The following DDX19A variants were observed in gnomAD, a reference collection of about 807,000 sequenced individuals.
The protein encoded by DDX19A is ATP-dependent RNA helicase DDX19A.
In DDX19A, 12 loss-of-function variants were observed where a neutral mutation model predicts 60.6. The ratio of observed to expected loss-of-function variants is 0.20; its 90% CI spans 0.13 to 0.32. DDX19A has a LOEUF of 0.32. Among genes scored for constraint, DDX19A ranks in the 10% least tolerant of loss-of-function variants. DDX19A has a pLI of 1.00. For synonymous variants in DDX19A, 206 were observed against 218.2 expected, an observed-to-expected ratio of 0.94 and a Z score of 0.49; for missense variants, 337 against 600.6, an observed-to-expected ratio of 0.56 and a Z score of 4.59.
chr16:70,356,893 A>T (rs953315943), intron 4 of DDX19A: 2 of 1,276,904 alleles, frequency 1.6e-6, no homozygotes, highest in South Asian at 1.3e-5. Flanking sequence ...GATGTCAGGA[A>T]CATTTCTGAT....
intron 3 of DDX19A, 86 bp from the exon 4 acceptor site, chr16:70,356,025 TG>T (rs2151633288): frequency 6.4e-7 from 1 of 1,559,560 alleles, no homozygotes; most frequent in East Asian, 2.3e-5. Context: ...ACTGCCCAGG[TG>T]CTAGTGTGGA....
In DDX19A at chr16:70,348,626, C is replaced by CAAAAA. The variant is rs1244983371; in HGVS notation, c.57+1597_57+1601dup. Among the ~76,000 whole-genome samples, 13 of 34,856 alleles carry CAAAAA rather than the reference C, an allele frequency of 3.7e-4. No homozygotes were observed. In the East Asian group the frequency reaches 4.4e-3, roughly 12 times the overall value. The allele number at this position is 34,856 out of a possible 152,430, so 22.9% of individuals were successfully genotyped here. On this transcript the variant is annotated intron_variant, in intron 1 of 11. Transcript: ENST00000302243. ...TGGGCTACTGAGTGAGACTCTGTCT[C>CAAAAA]AAAAAAAAAAAAAAAAAAAAAAAGA...
intron 1 of DDX19A, 124 bp from the exon 2 acceptor site, chr16:70,350,433 G>A (rs1214285072): frequency 1.5e-5 from 9 of 587,446 alleles, no homozygotes; most frequent in Non-Finnish European, 2.4e-5. Flanking sequence ...GGAACAAACC[G>A]ACTCCCTGAA....
chr16:70,366,607 C>A lies in DDX19A; in HGVS notation c.783-17C>A, dbSNP rs201935192. 124 of 1,613,904 alleles carry A rather than the reference C, an allele frequency of 7.7e-5. No homozygotes were observed. The highest frequency in any genetic ancestry group is 8.8e-5 in the Non-Finnish European group (104 of 1,179,936). On this transcript the variant is annotated splice_polypyrimidine_tract_variant and intron_variant, in intron 8 of 11. Coordinates refer to ENST00000302243, the MANE Select transcript of DDX19A (RefSeq NM_018332.5). ...CCAGGGCCACCTGGGGCCATCTACC[C>A]GGGCCTTCCCTTGCAGGATGCTGCC...
chr16:70,361,652 ATCGGATGGAGTTAGCTACAGTT>A (rs1964366974), intron 5 of DDX19A, 142 bp downstream of exon 5: 2 of 617,552 alleles, frequency 3.2e-6, no homozygotes, highest in South Asian at 4.1e-5. Flanking sequence ...TGCAGAGAGA[ATCGGATGGAGTTAGCTACAGTT>A]TCTGCCTTTC....
intron 1 of DDX19A, among the ~76,000 whole-genome samples, chr16:70,347,634 A>G (rs1165311957): frequency 6.6e-6 from 1 of 152,182 alleles, no homozygotes; most frequent in African/African-American, 2.4e-5. Flanking sequence ...CTGTTCTTAT[A>G]TCTAAGACCT....
intron 2 of DDX19A, among the ~76,000 whole-genome samples, chr16:70,352,853 G>A (rs1331095723): frequency 6.7e-6 from 1 of 150,254 alleles, no homozygotes; most frequent in African/African-American, 2.5e-5. Flanking sequence ...GGTCAGGCTG[G>A]TCTCGAACTC....
chr16:70,365,906 A>G, intron 7 of DDX19A, 179 bp from the exon 8 acceptor site: 1 of 825,926 alleles, frequency 1.2e-6, no homozygotes. Flanking sequence ...GTGCACTGAG[A>G]TAGGTGTCAT....
intron 5 of DDX19A, 95 bp from the exon 6 acceptor site, chr16:70,364,448 G>A (rs187884976): frequency 7.3e-5 from 69 of 951,074 alleles, no homozygotes; most frequent in African/African-American, 7.1e-4. Flanking sequence ...AGAGAAGCAC[G>A]AAGGGGGAAA....
At chr16:70,362,653 C>G (rs1282678653) in intron 5 of DDX19A, among the ~76,000 whole-genome samples, 1 of 152,072 alleles carries the variant, frequency 6.6e-6, no homozygotes, top group Non-Finnish European at 1.5e-5. Flanking sequence ...TTACAGCCCA[C>G]TGCAGCCTCG....
intron 4 of DDX19A, among the ~76,000 whole-genome samples, chr16:70,360,305 T>TTTTCTTTCTTTCTTTCTTTC (rs35076329): frequency 1.5e-5 from 2 of 129,110 alleles, no homozygotes; most frequent in African/African-American, 6.4e-5. Flanking sequence ...TTTTTTTCTT[T>TTTTCTTTCTTTCTTTCTTTC]TTTCTTTCTT....
Position 70,372,181 on chromosome 16 carries a change from G to A in DDX19A, c.*195G>A. Reference sequence around the variant, plus strand: ...TGGGGGGCAATAGAAGAAAAAATTTGCATTTTGGAAAATTGGGTCCTTTCC... The same window carrying A: ...TGGGGGGCAATAGAAGAAAAAATTTACATTTTGGAAAATTGGGTCCTTTCC... On this transcript the variant is annotated 3_prime_UTR_variant, in exon 12 of 12. Coordinates refer to ENST00000302243, the MANE Select transcript of DDX19A (RefSeq NM_018332.5). The A allele has an allele frequency of 1.1e-6, 1 of 921,568 alleles. No individual in the cohort carries two copies. The highest frequency in any genetic ancestry group is 1.6e-6 in the Non-Finnish European group (1 of 614,292). The allele number at this position is 921,568 out of a possible 1,614,324, so 57.1% of individuals were successfully genotyped here.
Position 70,365,144 on chromosome 16 carries a change from G to T in DDX19A, c.604+13G>T, listed in dbSNP as rs1213951693. The T allele has an allele frequency of 6.4e-7, 1 of 1,567,664 alleles. No homozygotes were observed. The highest frequency in any genetic ancestry group is 1.7e-5 in the Admixed American group (1 of 59,924). On this transcript the variant is annotated intron_variant, in intron 7 of 11. Transcript: ENST00000302243. ...CGAGGCAATAAATGTGAGTACGGCA[G>T]GCGACAACTGAACAGTGAGCAGGGT... is the stretch of plus-strand genomic sequence containing the variant.
intron 5 of DDX19A, among the ~76,000 whole-genome samples, chr16:70,362,211 C>T (rs1424129306): frequency 2.7e-5 from 4 of 148,740 alleles, no homozygotes; most frequent in African/African-American, 7.4e-5. Flanking sequence ...CAACAATTAG[C>T]CTGGCATGGT....
intron 2 of DDX19A, among the ~76,000 whole-genome samples, chr16:70,352,880 C>T (rs990832354): frequency 8.7e-5 from 13 of 148,806 alleles, no homozygotes; most frequent in African/African-American, 1.2e-4. Flanking sequence ...TCAGGTGATC[C>T]GCCCACCTCA....
At chr16:70,361,739 T>C in intron 5 of DDX19A, 3 of 410,118 alleles carry the variant, frequency 7.3e-6, no homozygotes, top group Non-Finnish European at 8.7e-6. Context: ...CATGCTATCT[T>C]AAAAACTGGG....
chr16:70,351,206 AT>A (rs1964006601), intron 2 of DDX19A, among the ~76,000 whole-genome samples: 1 of 146,826 alleles, frequency 6.8e-6, no homozygotes, highest in Non-Finnish European at 1.5e-5. Flanking sequence ...TTTATATTAG[AT>A]TTTTAAAATT....
chr16:70,367,151 G>A (rs181897668), intron 9 of DDX19A, among the ~76,000 whole-genome samples: 156 of 152,242 alleles, frequency 1.0e-3, no homozygotes, highest in African/African-American at 3.6e-3. Flanking sequence ...CAAGATGGCC[G>A]GGTACGGTGG....
intron 1 of DDX19A, chr16:70,347,407 A>C: frequency 3.7e-6 from 1 of 268,726 alleles, no homozygotes; most frequent in South Asian, 5.4e-5. Flanking sequence ...TGTATTTAAC[A>C]TTTCTTAGAT....
Sources: allele counts gnomAD v4.1 joint callset (sites outside exome capture counted in the v4.1 genomes callset), GRCh38; gene constraint gnomAD v4.1.1; transcripts MANE v1.5; gene names NCBI Gene and HGNC (gene_info 2026-07-23, HGNC 2026-07-21).